Variants in DLGAP2 observed in about 807,000 individuals in gnomAD.
DLGAP2 encodes the protein DLG associated protein 2, also known as disks large-associated protein 2.
DLGAP2 carries 26 observed loss-of-function variants against 100.3 expected under a neutral mutation model. That is an observed-to-expected ratio of 0.26 (90% confidence interval 0.19 to 0.36). The LOEUF (loss-of-function observed/expected upper bound fraction) is 0.36, where lower values mean the gene tolerates loss of function less well. DLGAP2 is among the 10% of genes least tolerant of loss of function. The pLI, the probability that DLGAP2 is intolerant of heterozygous loss-of-function variation, is 1.00. For missense variants in DLGAP2, 1,858 were observed against 1,453.2 expected, an observed-to-expected ratio of 1.28 and a Z score of -4.53; for synonymous variants, 886 against 630.1, an observed-to-expected ratio of 1.41 and a Z score of -6.08.
intron 3 of DLGAP2, among the ~76,000 whole-genome samples, chr8:1,475,617 C>T (rs1263198530): frequency 6.6e-6 from 1 of 152,156 alleles, no homozygotes; most frequent in African/African-American, 2.4e-5. Flanking sequence ...GTCGTTGACC[C>T]CCATAATTCA....
Position 1,292,443 on chromosome 8 carries a change from C to G in DLGAP2, c.106+33560C>G, listed in dbSNP as rs138590092. On this transcript the variant is annotated intron_variant, in intron 3 of 14. Transcript: ENST00000637795. ...GGGACAGTGCGCTGTCTTTGGGCAG[C>G]TCAGAAGTGTGTGTGATCAACTTGA... Among the ~76,000 whole-genome samples, 7 of 152,318 alleles carry G rather than the reference C, an allele frequency of 4.6e-5. No individual in the cohort carries two copies. In the East Asian group the frequency reaches 1.4e-3, roughly 29 times the overall value.
chr8:834,672 T>G (rs943816558), intron 1 of DLGAP2, among the ~76,000 whole-genome samples: 3 of 152,070 alleles, frequency 2.0e-5, no homozygotes, highest in Admixed American at 6.5e-5. Context: ...TCCTCCTTGT[T>G]GTTAGGGAGG....
At chr8:1,277,865 G>C (rs1259767184) in intron 3 of DLGAP2, among the ~76,000 whole-genome samples, 2 of 152,214 alleles carry the variant, frequency 1.3e-5, no homozygotes, top group Non-Finnish European at 2.9e-5. Flanking sequence ...AGGACAGTTA[G>C]GCAGATGTGT....
At chr8:744,368 C>A (rs1001741261) in intron 1 of DLGAP2, among the ~76,000 whole-genome samples, 1 of 152,166 alleles carries the variant, frequency 6.6e-6, no homozygotes, top group African/African-American at 2.4e-5. Context: ...TCTTGATCAC[C>A]CTTGAACCCT....
At chr8:1,467,121 C>G (rs1798648324) in intron 3 of DLGAP2, among the ~76,000 whole-genome samples, 1 of 151,686 alleles carries the variant, frequency 6.6e-6, no homozygotes, top group Non-Finnish European at 1.5e-5. Context: ...GAGGGAGGGT[C>G]CGGCAGGGGC....
At chr8:1,076,127 A>G (rs893236613) in intron 2 of DLGAP2, among the ~76,000 whole-genome samples, 3 of 152,308 alleles carry the variant, frequency 2.0e-5, no homozygotes, top group South Asian at 2.1e-4. Context: ...ATTTAAAAGC[A>G]CAGGCTGGCT....
intron 2 of DLGAP2, among the ~76,000 whole-genome samples, chr8:983,092 C>T (rs568401497): frequency 4.6e-5 from 7 of 152,256 alleles, no homozygotes; most frequent in South Asian, 2.1e-4. Flanking sequence ...TGAACTTACC[C>T]GATGGACCTG....
intron 3 of DLGAP2, among the ~76,000 whole-genome samples, chr8:1,421,423 A>G (rs976479667): frequency 1.3e-5 from 2 of 152,200 alleles, no homozygotes; most frequent in African/African-American, 4.8e-5. Flanking sequence ...AATAACACCC[A>G]CACAAGAGAC....
intron 8 of DLGAP2, among the ~76,000 whole-genome samples, chr8:1,639,723 G>T (rs1167497162): frequency 6.6e-6 from 1 of 152,234 alleles, no homozygotes; most frequent in Non-Finnish European, 1.5e-5. Context: ...CAAACATCAG[G>T]TCGTTCTGGA....
chr8:1,011,045 G>A (rs1486296709), intron 2 of DLGAP2, among the ~76,000 whole-genome samples: 2 of 150,558 alleles, frequency 1.3e-5, no homozygotes, highest in African/African-American at 4.9e-5. Flanking sequence ...CAGTCTGCAT[G>A]GTGATTCTGG....
intron 3 of DLGAP2, among the ~76,000 whole-genome samples, chr8:1,462,635 G>C (rs969318773): frequency 6.6e-6 from 1 of 152,170 alleles, no homozygotes; most frequent in Non-Finnish European, 1.5e-5. Context: ...AGTTCCTCCC[G>C]CACTCGGTCA....
At chr8:1,269,360 C>A (rs6988077) in intron 3 of DLGAP2, among the ~76,000 whole-genome samples, 23,172 of 152,206 alleles carry the variant, frequency 0.15, 2,071 homozygotes, top group East Asian at 0.37. Flanking sequence ...AAGACCGCCC[C>A]GTGTGGCACG....
rs189828845 is a variant in DLGAP2 at position 1,707,813 on chromosome 8, C to T, written c.*6407C>T. ...TATAAATATAAATATGAAATCATAT[C>T]GAGTGTGAGGATGAGCAGAGTGCCA... On this transcript the variant is annotated 3_prime_UTR_variant, in exon 15 of 15. Transcript: ENST00000637795. 19 of 152,524 alleles carry T rather than the reference C, an allele frequency of 1.2e-4. No individual in the cohort carries two copies. The East Asian group carries it at 2.1e-3, about 17-fold the overall frequency. 9.4% of individuals were successfully genotyped at this position (152,524 alleles called of 1,614,324 possible).
chr8:1,436,201 C>T (rs1194775674), intron 3 of DLGAP2, among the ~76,000 whole-genome samples: 1 of 152,190 alleles, frequency 6.6e-6, no homozygotes, highest in Non-Finnish European at 1.5e-5. Flanking sequence ...AGGCCCAAAA[C>T]CTCAAAAGCA....
At chr8:819,441 G>A (rs1247544692) in intron 1 of DLGAP2, among the ~76,000 whole-genome samples, 2 of 152,172 alleles carry the variant, frequency 1.3e-5, no homozygotes, top group Non-Finnish European at 2.9e-5. Flanking sequence ...AAAGTATGGA[G>A]CAAAGCGGCA....
chr8:1,245,411 C>A (rs1183803601), intron 2 of DLGAP2, among the ~76,000 whole-genome samples: 2 of 152,126 alleles, frequency 1.3e-5, no homozygotes, highest in African/African-American at 4.8e-5. Flanking sequence ...TCTTCTCTAG[C>A]AATAAAGGAA....
intron 2 of DLGAP2, among the ~76,000 whole-genome samples, chr8:1,149,580 C>A (rs183542167): frequency 1.9e-4 from 29 of 152,276 alleles, no homozygotes; most frequent in African/African-American, 7.0e-4. Flanking sequence ...TTCACACTTA[C>A]TATATTCTAA....
intron 4 of DLGAP2, among the ~76,000 whole-genome samples, chr8:1,506,656 C>T (rs1799931638): frequency 6.6e-6 from 1 of 152,192 alleles, no homozygotes; most frequent in Admixed American, 6.5e-5. Flanking sequence ...CTTATCTGGC[C>T]CCACCCACAT....
At chr8:1,096,533 G>A (rs568546758) in intron 2 of DLGAP2, among the ~76,000 whole-genome samples, 33 of 151,864 alleles carry the variant, frequency 2.2e-4, no homozygotes, top group South Asian at 1.5e-3. Context: ...CCCCTCCAGC[G>A]TGAGGCCCAC....
Sources: allele counts gnomAD v4.1 joint callset (sites outside exome capture counted in the v4.1 genomes callset), GRCh38; gene constraint gnomAD v4.1.1; transcripts MANE v1.5; gene names NCBI Gene and HGNC (gene_info 2026-07-23, HGNC 2026-07-21).